The following PPP1R3A variants were observed in gnomAD, a reference collection of about 807,000 sequenced individuals.
The protein encoded by PPP1R3A is RG1.
Under a neutral mutation model 41.7 loss-of-function variants are expected in PPP1R3A, and 29 were observed. The ratio of observed to expected loss-of-function variants is 0.70; its 90% confidence interval spans 0.52 to 0.95. PPP1R3A has a LOEUF of 0.95. Ranked by LOEUF, PPP1R3A falls within the 40% of genes least tolerant of loss-of-function variation. The probability of loss-of-function intolerance (pLI) is 0.00; values close to 1 mark genes in which losing one functional copy is unlikely to be tolerated. For missense variants in PPP1R3A, 1,352 were observed against 1,292.4 expected (o/e 1.05, Z -0.71); for synonymous variants, 485 against 453.4 (o/e 1.07, Z -0.89).
At position 113,878,527 on chromosome 7, in the gene PPP1R3A, A is replaced by G. The variant is rs1284173124; in HGVS notation, c.2565T>C (p.Tyr855=). 6.2e-7 allele frequency: 1 copy of G among 1,613,438 alleles called. No homozygotes were observed. Residue 855 remains tyrosine (Y), a synonymous_variant, in exon 4 of 4, where the codon TAT becomes TAC. Transcript: ENST00000284601. ...VEESSWVITE[Y]QKATSKLDLQ... ...AATCCAGTTTTGAAGTTGCTTTTTG[A>G]TATTCTGTAATGACCCATGAGGATT...
chr7:113,917,653 G>C (rs1051825359), intron 1 of PPP1R3A, among the ~76,000 whole-genome samples: 2 of 151,826 alleles, frequency 1.3e-5, no homozygotes, highest in African/African-American at 4.8e-5. Context: ...ATATACTTAT[G>C]TCTTTCTGTT....
chr7:113,915,341 A>G (rs1052698484), intron 1 of PPP1R3A, among the ~76,000 whole-genome samples: 1 of 152,006 alleles, frequency 6.6e-6, no homozygotes, highest in African/African-American at 2.4e-5. Context: ...CATACTTATT[A>G]GAAGGGATTA....
chr7:113,879,610 C>A lies in PPP1R3A; in HGVS notation c.1482G>T (p.Ser494=). The change falls in exon 4 of 4, where the codon TCG becomes TCT. Residue 494 remains serine, a synonymous_variant. Transcript: ENST00000284601. The part of the protein sequence containing the change: ...CLRRDFHSDT[S]ACLKESTEEG... Reference sequence around the variant, plus strand: ...CTTCTGTTGATTCTTTGAGACATGCCGACGTATCTGAATGGAAATCTCTTC... The same window carrying A: ...CTTCTGTTGATTCTTTGAGACATGCAGACGTATCTGAATGGAAATCTCTTC... 1 of 1,613,148 alleles carries A rather than the reference C, an allele frequency of 6.2e-7. No individual in the cohort carries two copies. The highest frequency in any genetic ancestry group is 8.5e-7 in the Non-Finnish European group (1 of 1,179,618).
intron 1 of PPP1R3A, among the ~76,000 whole-genome samples, chr7:113,905,912 T>C (rs1030844044): frequency 3.3e-5 from 5 of 151,816 alleles, no homozygotes; most frequent in African/African-American, 1.2e-4. Context: ...GCCTATTGGA[T>C]GTTTCTTGTT....
intron 1 of PPP1R3A, among the ~76,000 whole-genome samples, chr7:113,903,663 T>A (rs1269714719): frequency 6.6e-6 from 1 of 151,700 alleles, no homozygotes; most frequent in Non-Finnish European, 1.5e-5. Flanking sequence ...GAATCTTACA[T>A]TTTTTTCCAT....
chr7:113,902,685 G>A (rs1205258287), intron 1 of PPP1R3A, among the ~76,000 whole-genome samples: 1 of 151,798 alleles, frequency 6.6e-6, no homozygotes, highest in African/African-American at 2.4e-5. Flanking sequence ...CTGATCAATT[G>A]TTACCTTCTC....
chr7:113,879,089 TTC>T lies in PPP1R3A; in HGVS notation c.2001_2002del (p.Asn668Ter). On this transcript the variant is annotated frameshift_variant, in exon 4 of 4. Transcript: ENST00000284601. LOFTEE classifies it low-confidence loss of function (END_TRUNC). ...GATATGCTCTGTTATGTTTGTCTTA[TTC>T]TCTCTTGATTTTCCCTGACTTTCCA... 1 of 1,613,826 alleles carries T rather than the reference TTC, an allele frequency of 6.2e-7. No homozygotes were observed. Among genetic ancestry groups the T allele is most frequent in the Non-Finnish European group, 8.5e-7 (1 of 1,179,802 alleles).
At chr7:113,888,395 A>G (rs1171917322) in intron 1 of PPP1R3A, among the ~76,000 whole-genome samples, 1 of 152,152 alleles carries the variant, frequency 6.6e-6, no homozygotes, top group Admixed American at 6.6e-5. Context: ...ACTATTAATG[A>G]AGAAAGAGAA....
Position 113,882,042 on chromosome 7 carries a change from C to G in PPP1R3A, c.963G>C (p.Leu321Phe). Residue 321 changes from leucine (L) to phenylalanine (F), a missense_variant, in exon 3 of 4, where the codon TTG becomes TTC. Physicochemically the swap from Leu to Phe is conservative, Grantham distance 22. Transcript: ENST00000284601. ...CCGTGGCAACCAGAACACTTACCAT[C>G]AACTCTAATTCTTTTTCATTATGTT... ...HDEHNEKELE[L>F]MINQHLIRTR... is the part of the protein sequence containing the mutation. 6.2e-7 allele frequency: 1 copy of G among 1,612,340 alleles called. No individual in the cohort carries two copies. The highest frequency in any genetic ancestry group is 8.5e-7 in the Non-Finnish European group (1 of 1,178,862).
Position 113,892,365 on chromosome 7 carries a change from T to C in PPP1R3A, c.783-10045A>G, listed in dbSNP as rs115430537. On this transcript the variant is annotated intron_variant, in intron 1 of 3. Transcript: ENST00000284601. ...AAGGGTAAATAATTATATAGTGTATTGTGGACTGTTTCTTTTCATAATGTT... is the reference window on the plus strand; with the variant it reads ...AAGGGTAAATAATTATATAGTGTATCGTGGACTGTTTCTTTTCATAATGTT... Among the ~76,000 whole-genome samples the C allele has an allele frequency of 9.1e-3, 1,380 of 152,204 alleles. 16 individuals carry two copies. The highest frequency in any genetic ancestry group is 0.027 in the Middle Eastern group (8 of 294).
chr7:113,905,336 A>T (rs1158090971), intron 1 of PPP1R3A, among the ~76,000 whole-genome samples: 1 of 151,744 alleles, frequency 6.6e-6, no homozygotes, highest in African/African-American at 2.4e-5. Flanking sequence ...TATTTTCACA[A>T]AATATTTAAG....
intron 1 of PPP1R3A, among the ~76,000 whole-genome samples, chr7:113,892,958 G>T (rs1047358716): frequency 6.6e-6 from 1 of 151,968 alleles, no homozygotes; most frequent in Non-Finnish European, 1.5e-5. Context: ...TGTGTAAAGT[G>T]AAAGCTCTGG....
In PPP1R3A at chr7:113,918,990, G is replaced by C. The variant is rs757050193; in HGVS notation, c.7C>G (p.Pro3Ala). Residue 3 changes from proline to alanine, a missense_variant, in exon 1 of 4, where the codon CCT (proline) becomes GCT (alanine). Pro to Ala is a conservative substitution (Grantham distance 27). Coordinates refer to ENST00000284601, the MANE Select transcript of PPP1R3A (RefSeq NM_002711.4). ME[P>A]SEVPSQISKD... ...CTAATCTGACTAGGTACTTCAGAAG[G>C]CTCCATTGGGCTCTCTGATATCAAA... 1 of 1,610,632 alleles carries C rather than the reference G, an allele frequency of 6.2e-7. No individual in the cohort carries two copies. Among genetic ancestry groups the C allele is most frequent in the African/African-American group, 1.3e-5 (1 of 74,820 alleles).
chr7:113,911,346 A>G (rs1584421019), intron 1 of PPP1R3A, among the ~76,000 whole-genome samples: 2 of 152,096 alleles, frequency 1.3e-5, no homozygotes, highest in African/African-American at 4.8e-5. Context: ...GAGAGATAAT[A>G]CTCTGAAAAG....
intron 1 of PPP1R3A, among the ~76,000 whole-genome samples, chr7:113,883,722 T>A (rs1796734908): frequency 6.6e-6 from 1 of 152,020 alleles, no homozygotes; most frequent in Non-Finnish European, 1.5e-5. Context: ...TATAAACCAT[T>A]AAACAGCATT....
chr7:113,883,749 G>T (rs575559881), intron 1 of PPP1R3A, among the ~76,000 whole-genome samples: 1 of 151,670 alleles, frequency 6.6e-6, no homozygotes, highest in Non-Finnish European at 1.5e-5. Context: ...TTCCTGCTTC[G>T]TCTCTATTCC....
At chr7:113,903,479 T>C (rs1375280437) in intron 1 of PPP1R3A, among the ~76,000 whole-genome samples, 1 of 151,760 alleles carries the variant, frequency 6.6e-6, no homozygotes, top group African/African-American at 2.4e-5. Flanking sequence ...ATTTAAACTA[T>C]GAGGTCCCCA....
intron 1 of PPP1R3A, among the ~76,000 whole-genome samples, chr7:113,912,473 A>G (rs771950241): frequency 2.6e-5 from 4 of 152,144 alleles, no homozygotes; most frequent in Admixed American, 1.3e-4. Context: ...AGGCAAGGTT[A>G]CAAAATGAGG....
intron 1 of PPP1R3A, among the ~76,000 whole-genome samples, chr7:113,915,048 G>A (rs1797315798): frequency 6.6e-6 from 1 of 152,078 alleles, no homozygotes; most frequent in Admixed American, 6.6e-5. Flanking sequence ...TGATACTTAA[G>A]TATCTCATGA....
Sources: gnomAD v4.1 joint callset for allele counts (sites outside exome capture counted in the v4.1 genomes callset) on GRCh38, gnomAD v4.1.1 for gene constraint, MANE v1.5 for transcripts, NCBI Gene and HGNC (gene_info 2026-07-23, HGNC 2026-07-21) for gene names.